Variants in CSMD1 observed in about 807,000 individuals in gnomAD.
CSMD1 encodes the protein CUB and Sushi multiple domains 1, also known as CUB and sushi domain-containing protein 1.
In CSMD1, 213 loss-of-function variants were observed where a neutral mutation model predicts 417.5. The observed-to-expected ratio is 0.51, with a 90% CI of 0.46 to 0.57. CSMD1 has a LOEUF of 0.57. Among genes scored for constraint, CSMD1 ranks in the 20% least tolerant of loss-of-function variants. The pLI, the probability that CSMD1 is intolerant of heterozygous loss-of-function variation, is 0.00. For missense variants in CSMD1, 6,923 were observed against 4,529.7 expected (o/e 1.53, Z -15.17); for synonymous variants, 2,862 against 1,736.8 (o/e 1.65, Z -16.11).
At chr8:4,598,119 T>G (rs1298861387) in intron 2 of CSMD1, among the ~76,000 whole-genome samples, 1 of 152,172 alleles carries the variant, frequency 6.6e-6, no homozygotes, top group African/African-American at 2.4e-5. Flanking sequence ...AAACTTCCCC[T>G]GTATCTCTTT....
At chr8:4,294,708 C>G (rs1797566484) in intron 3 of CSMD1, among the ~76,000 whole-genome samples, 2 of 151,958 alleles carry the variant, frequency 1.3e-5, no homozygotes, top group Admixed American at 1.3e-4. Flanking sequence ...ATTTTAGCTT[C>G]TCTTCTCATA....
At chr8:4,974,533 GAGTT>G (rs1305502411) in intron 1 of CSMD1, among the ~76,000 whole-genome samples, 8 of 152,010 alleles carry the variant, frequency 5.3e-5, no homozygotes, top group East Asian at 3.8e-4. Context: ...AATAACGTGA[GAGTT>G]AGTTCAGGCA....
chr8:3,332,694 C>A (rs1332681386), intron 23 of CSMD1, among the ~76,000 whole-genome samples: 1 of 152,186 alleles, frequency 6.6e-6, no homozygotes, highest in Non-Finnish European at 1.5e-5. Context: ...CGTGCGCACA[C>A]ACACACACTT....
At chr8:4,178,251 C>G (rs910176181) in intron 3 of CSMD1, among the ~76,000 whole-genome samples, 3 of 152,100 alleles carry the variant, frequency 2.0e-5, no homozygotes. Flanking sequence ...TGGGCTTCAT[C>G]CCTGGGATGC....
intron 25 of CSMD1, among the ~76,000 whole-genome samples, chr8:3,290,293 T>C (rs1162299206): frequency 1.4e-5 from 2 of 147,102 alleles, no homozygotes; most frequent in Non-Finnish European, 2.9e-5. Flanking sequence ...TGGCTTAGGA[T>C]TGACTTGGTG....
intron 3 of CSMD1, among the ~76,000 whole-genome samples, chr8:4,084,405 A>G (rs1414219335): frequency 6.6e-6 from 1 of 152,128 alleles, no homozygotes; most frequent in Non-Finnish European, 1.5e-5. Flanking sequence ...AATTTTTTAA[A>G]TTCCTAATTT....
intron 12 of CSMD1, among the ~76,000 whole-genome samples, chr8:3,443,419 A>C (rs560689824): frequency 5.4e-4 from 82 of 152,320 alleles, no homozygotes; most frequent in African/African-American, 1.9e-3. Context: ...AGCCTAAAAC[A>C]CATTACTGCT....
chr8:3,459,634 C>G (rs1434214277), intron 12 of CSMD1, among the ~76,000 whole-genome samples: 1 of 152,078 alleles, frequency 6.6e-6, no homozygotes, highest in Non-Finnish European at 1.5e-5. Flanking sequence ...AAGGGTAACT[C>G]CCGGACGGTC....
At chr8:4,762,109 C>T (rs1227718407) in intron 1 of CSMD1, among the ~76,000 whole-genome samples, 1 of 151,978 alleles carries the variant, frequency 6.6e-6, no homozygotes, top group African/African-American at 2.4e-5. Flanking sequence ...TCAATTTCCC[C>T]TATAAAATAA....
chr8:3,365,777 C>T (rs550896409), intron 20 of CSMD1, among the ~76,000 whole-genome samples: 1 of 152,322 alleles, frequency 6.6e-6, no homozygotes, highest in African/African-American at 2.4e-5. Context: ...TGGGGGTTGA[C>T]ACCCCAACCC....
chr8:4,509,648 G>C (rs1802711639), intron 2 of CSMD1, among the ~76,000 whole-genome samples: 1 of 152,128 alleles, frequency 6.6e-6, no homozygotes, highest in African/African-American at 2.4e-5. Flanking sequence ...TTTGTGAGGA[G>C]GAACAGTGCT....
intron 5 of CSMD1, among the ~76,000 whole-genome samples, chr8:3,773,054 G>T (rs1026088610): frequency 1.3e-5 from 2 of 152,124 alleles, no homozygotes; most frequent in African/African-American, 4.8e-5. Context: ...GGGAAGAAGG[G>T]AGCTCTCTGG....
intron 5 of CSMD1, among the ~76,000 whole-genome samples, chr8:3,912,158 C>T (rs1392249913): frequency 6.6e-6 from 1 of 152,128 alleles, no homozygotes; most frequent in East Asian, 1.9e-4. Context: ...TTAATGGGAA[C>T]TTCACATTTC....
At chr8:4,272,990 A>G (rs1214774083) in intron 3 of CSMD1, among the ~76,000 whole-genome samples, 1 of 152,196 alleles carries the variant, frequency 6.6e-6, no homozygotes, top group Non-Finnish European at 1.5e-5. Flanking sequence ...CACATGCTTA[A>G]AACAGCTATT....
At position 3,928,338 on chromosome 8, in the gene CSMD1, G is replaced by A. The variant is rs139804602; in HGVS notation, c.818+69565C>T. 7.5e-3 allele frequency among the ~76,000 whole-genome samples: 1,139 copies of A among 151,910 alleles called. 3 individuals are homozygous for A. Among genetic ancestry groups the A allele is most frequent in the South Asian group, 0.01 (49 of 4,798 alleles). ...TTTCTTTTAATTGCCAGGACTGAGT[G>A]GTAAACAAATGATATATTGCCCTTT... On this transcript the variant is annotated intron_variant, in intron 5 of 69. Coordinates refer to ENST00000635120, the MANE Select transcript of CSMD1 (RefSeq NM_033225.6).
intron 9 of CSMD1, among the ~76,000 whole-genome samples, chr8:3,578,959 G>C (rs369025506): frequency 9.9e-5 from 15 of 152,208 alleles, no homozygotes; most frequent in East Asian, 7.7e-4. Flanking sequence ...ACAAACTATA[G>C]TAGAATGCCT....
intron 2 of CSMD1, among the ~76,000 whole-genome samples, chr8:4,526,407 T>C (rs1214468997): frequency 6.6e-6 from 1 of 152,252 alleles, no homozygotes; most frequent in Non-Finnish European, 1.5e-5. Flanking sequence ...CTTACTTATG[T>C]ATGCCCAAGG....
At chr8:3,486,679 G>A (rs952782448) in intron 11 of CSMD1, among the ~76,000 whole-genome samples, 1 of 152,188 alleles carries the variant, frequency 6.6e-6, no homozygotes, top group Non-Finnish European at 1.5e-5. Flanking sequence ...CTGCCCTCGG[G>A]CTCCGATTCC....
At chr8:3,763,100 G>C (rs938815676) in intron 5 of CSMD1, among the ~76,000 whole-genome samples, 1 of 152,198 alleles carries the variant, frequency 6.6e-6, no homozygotes, top group Non-Finnish European at 1.5e-5. Flanking sequence ...ACGTAACAGA[G>C]TGCTGGGCAT....
Sources: allele counts gnomAD v4.1 joint callset (sites outside exome capture counted in the v4.1 genomes callset), GRCh38; gene constraint gnomAD v4.1.1; transcripts MANE v1.5; gene names NCBI Gene and HGNC (gene_info 2026-07-23, HGNC 2026-07-21).